The following OCA2 variants were observed in gnomAD, a reference collection of about 807,000 sequenced individuals.
The protein encoded by OCA2 is P protein.
In OCA2, 77 loss-of-function variants were observed where a neutral mutation model predicts 100.2. The ratio of observed to expected loss-of-function variants is 0.77; its 90% CI spans 0.64 to 0.93. OCA2 has a LOEUF of 0.93. OCA2 is among the 40% of genes least tolerant of loss of function. The pLI is 0.00. For missense variants in OCA2, 1,062 were observed against 1,089.1 expected (o/e 0.98, Z 0.35); for synonymous variants, 432 against 439.2 (o/e 0.98, Z 0.21).
intron 23 of OCA2, among the ~76,000 whole-genome samples, chr15:27,818,062 T>C (rs2034369487): frequency 6.6e-6 from 1 of 152,228 alleles, no homozygotes; most frequent in Non-Finnish European, 1.5e-5. Context: ...ACAGCTATTA[T>C]ACTAAACATT....
intron 23 of OCA2, among the ~76,000 whole-genome samples, chr15:27,817,830 G>C (rs531980223): frequency 2.0e-5 from 3 of 152,168 alleles, no homozygotes; most frequent in East Asian, 1.9e-4. Flanking sequence ...TTATAAGAAG[G>C]GCCCACGCTT....
At chr15:27,788,427 T>C (rs2032922490) in intron 23 of OCA2, among the ~76,000 whole-genome samples, 4 of 152,110 alleles carry the variant, frequency 2.6e-5, no homozygotes, top group Admixed American at 2.6e-4. Context: ...TTGACCCTGA[T>C]AAAAATGTGC....
intron 2 of OCA2, among the ~76,000 whole-genome samples, chr15:28,053,275 A>G (rs1292564036): frequency 6.6e-6 from 1 of 152,160 alleles, no homozygotes; most frequent in Non-Finnish European, 1.5e-5. Context: ...TGGGCCATGG[A>G]GGGCACAAGA....
chr15:27,963,286 T>A (rs2040464337), intron 15 of OCA2, among the ~76,000 whole-genome samples: 1 of 152,208 alleles, frequency 6.6e-6, no homozygotes, highest in African/African-American at 2.4e-5. Flanking sequence ...TGACCTAAGC[T>A]ATATAATTGA....
chr15:27,875,105 T>A, intron 19 of OCA2, among the ~76,000 whole-genome samples: 1 of 151,398 alleles, frequency 6.6e-6, no homozygotes, highest in African/African-American at 2.4e-5. Flanking sequence ...GGAAAGAGAG[T>A]CACCAAAAAC....
intron 14 of OCA2, among the ~76,000 whole-genome samples, chr15:27,979,702 C>CTT (rs765838477): frequency 1.4e-5 from 2 of 141,500 alleles, no homozygotes; most frequent in Non-Finnish European, 3.1e-5. Context: ...CATTAATATA[C>CTT]TTTTTTTTTT....
chr15:27,722,770 T>C, the OCA2 span, among the ~76,000 whole-genome samples: 1 of 82,878 alleles, frequency 1.2e-5, no homozygotes, highest in African/African-American at 4.4e-5. Flanking sequence ...CCTTTCTTTC[T>C]TTTCTTTCTT....
chr15:27,899,823 C>T (rs2037851725), intron 19 of OCA2, among the ~76,000 whole-genome samples: 1 of 152,192 alleles, frequency 6.6e-6, no homozygotes, highest in African/African-American at 2.4e-5. Context: ...ATGAATGTCA[C>T]TATCTCTGTC....
At chr15:27,751,709 CACACACACTGTAGGGAGATG>C (rs1313649484), downstream of OCA2, among the ~76,000 whole-genome samples, 1 of 152,164 alleles carries the variant, frequency 6.6e-6, no homozygotes, top group Non-Finnish European at 1.5e-5. Flanking sequence ...CAAGGGCAGA[CACACACACTGTAGGGAGATG>C]CTGGCAAGCC....
At chr15:27,773,137 A>T (rs1367508897) in intron 23 of OCA2, among the ~76,000 whole-genome samples, 1 of 152,184 alleles carries the variant, frequency 6.6e-6, no homozygotes, top group Non-Finnish European at 1.5e-5. Context: ...ATTTTTGTTC[A>T]CAAGTTTTAA....
At chr15:27,927,474 A>G (rs1244313293) in intron 18 of OCA2, among the ~76,000 whole-genome samples, 1 of 152,168 alleles carries the variant, frequency 6.6e-6, no homozygotes, top group Admixed American at 6.5e-5. Flanking sequence ...TTCATATACA[A>G]GTTTTTGTAT....
intron 13 of OCA2, among the ~76,000 whole-genome samples, chr15:27,983,716 C>T (rs1005448564): frequency 6.6e-6 from 1 of 152,066 alleles, no homozygotes; most frequent in Admixed American, 6.5e-5. Flanking sequence ...CCACCAAACC[C>T]TCGGTGTGGT....
At chr15:27,818,117 T>C (rs7162123) in intron 23 of OCA2, among the ~76,000 whole-genome samples, 76,132 of 152,106 alleles carry the variant, frequency 0.5, 19,732 homozygotes, top group South Asian at 0.76. Flanking sequence ...CTGGCTGGCA[T>C]GGTGGCTCAC....
Position 27,990,576 on chromosome 15 carries a change from A to G in OCA2, c.1116T>C (p.Asp372=). ...AALAALAVIG[D]RPSLTHVVEW... is the part of the protein sequence containing the mutation. ...AGGGATTGGGACTGTGACAACTTAC[A>G]TCGCCAATCACAGCCAGTGCTGCCA... Residue 372 remains aspartate (D), a splice_region_variant and synonymous_variant, in exon 10 of 24, where the codon GAT becomes GAC. Coordinates refer to ENST00000354638, the MANE Select transcript of OCA2 (RefSeq NM_000275.3). The G allele has an allele frequency of 3.1e-6, 5 of 1,613,886 alleles. No homozygotes were observed. The highest frequency in any genetic ancestry group is 3.4e-6 in the Non-Finnish European group (4 of 1,179,896).
intron 19 of OCA2, among the ~76,000 whole-genome samples, chr15:27,920,172 A>AT (rs2038806017): frequency 1.3e-5 from 2 of 152,296 alleles, no homozygotes; most frequent in South Asian, 2.1e-4. Context: ...GGCTAAATAG[A>AT]TTTTTTAAAT....
At chr15:27,767,511 G>T (rs7168039) in intron 23 of OCA2, among the ~76,000 whole-genome samples, 56,472 of 150,056 alleles carry the variant, frequency 0.38, 13,377 homozygotes, top group East Asian at 0.72. Context: ...GTCAGCACTG[G>T]GTGTCTAGCT....
intron 23 of OCA2, among the ~76,000 whole-genome samples, chr15:27,769,117 C>G (rs1183300398): frequency 6.6e-6 from 1 of 152,214 alleles, no homozygotes; most frequent in Non-Finnish European, 1.5e-5. Flanking sequence ...AGGCAACAAT[C>G]TCAACCAAAA....
At chr15:27,872,543 G>A (rs528620885) in intron 19 of OCA2, among the ~76,000 whole-genome samples, 1 of 152,312 alleles carries the variant, frequency 6.6e-6, no homozygotes, top group South Asian at 2.1e-4. Context: ...GAGCCACTGT[G>A]AGAGGTCACC....
In OCA2 at chr15:27,942,567, A is replaced by G. The variant is rs192017358; in HGVS notation, c.1951+9217T>C. Among the ~76,000 whole-genome samples the G allele has an allele frequency of 4.7e-4, 71 of 152,218 alleles. 1 individual carries two copies. Among genetic ancestry groups the G allele is most frequent in the African/African-American group, 1.6e-3 (68 of 41,538 alleles). On this transcript the variant is annotated intron_variant, in intron 18 of 23. Coordinates refer to ENST00000354638, the MANE Select transcript of OCA2 (RefSeq NM_000275.3). Reference sequence around the variant, plus strand: ...ATAGGATTATTTGGGGAATGAGGAAAGTGTTCTGGAATTGGATACTGACAA... The same window carrying G: ...ATAGGATTATTTGGGGAATGAGGAAGGTGTTCTGGAATTGGATACTGACAA...
Sources: gnomAD v4.1 joint callset for allele counts (sites outside exome capture counted in the v4.1 genomes callset) on GRCh38, gnomAD v4.1.1 for gene constraint, MANE v1.5 for transcripts, NCBI Gene and HGNC (gene_info 2026-07-23, HGNC 2026-07-21) for gene names.